Variants in PDE1C observed in about 807,000 individuals in gnomAD.
PDE1C encodes the protein dual specificity calcium/calmodulin-dependent 3',5'-cyclic nucleotide phosphodiesterase 1C.
In PDE1C, 62 loss-of-function variants were observed where a neutral mutation model predicts 93.1. The observed-to-expected ratio is 0.67, with a 90% CI of 0.54 to 0.82. PDE1C has a LOEUF of 0.82. Among genes scored for constraint, PDE1C ranks in the 40% least tolerant of loss-of-function variants. The pLI, the probability that PDE1C is intolerant of heterozygous loss-of-function variation, is 0.00. For missense variants in PDE1C, 742 were observed against 884.6 expected (o/e 0.84, Z 2.04); for synonymous variants, 325 against 310.1 (o/e 1.05, Z -0.50).
chr7:31,857,416 C>T (rs762938139), intron 7 of PDE1C, among the ~76,000 whole-genome samples: 6 of 152,080 alleles, frequency 3.9e-5, no homozygotes, highest in South Asian at 2.1e-4. Context: ...GTTGCTGGTT[C>T]GGATTTCTGG....
At chr7:31,652,230 T>C in the PDE1C span, among the ~76,000 whole-genome samples, 1 of 152,190 alleles carries the variant, frequency 6.6e-6, no homozygotes, top group East Asian at 1.9e-4. Flanking sequence ...CTGATGGTGA[T>C]TCTGTATCAG....
chr7:31,925,389 G>T (rs941638763), intron 2 of PDE1C, among the ~76,000 whole-genome samples: 2 of 152,100 alleles, frequency 1.3e-5, no homozygotes, highest in Admixed American at 1.3e-4. Flanking sequence ...CACTAGGGAA[G>T]ACAGTGGTTC....
chr7:32,357,620 T>C (rs891400493), intron 1 of PDE1C, among the ~76,000 whole-genome samples: 4 of 152,124 alleles, frequency 2.6e-5, no homozygotes, highest in Non-Finnish European at 5.9e-5. Context: ...AGGGGGAAAG[T>C]TGTGAAATCA....
intron 1 of PDE1C, among the ~76,000 whole-genome samples, chr7:32,349,593 T>C (rs1473646280): frequency 1.3e-5 from 2 of 152,228 alleles, no homozygotes; most frequent in African/African-American, 4.8e-5. Context: ...AGTAATGCAT[T>C]TGTCAGTTAG....
chr7:31,644,034 C>A, the PDE1C span: 3 of 1,349,482 alleles, frequency 2.2e-6, no homozygotes, highest in Non-Finnish European at 3.0e-6. Flanking sequence ...GACTTCCTTG[C>A]TGAATGCAAG....
chr7:31,886,280 C>T (rs1401728355), intron 2 of PDE1C, among the ~76,000 whole-genome samples: 2 of 152,190 alleles, frequency 1.3e-5, no homozygotes, highest in Non-Finnish European at 2.9e-5. Flanking sequence ...TACCTAAATG[C>T]CATAGGAAAT....
the PDE1C span, among the ~76,000 whole-genome samples, chr7:31,743,479 A>G: frequency 6.6e-6 from 1 of 152,088 alleles, no homozygotes; most frequent in African/African-American, 2.4e-5. Context: ...TTTCCACTTC[A>G]GAGGACGCTA....
intron 2 of PDE1C, among the ~76,000 whole-genome samples, chr7:31,978,129 A>G (rs1477245103): frequency 6.6e-6 from 1 of 152,122 alleles, no homozygotes; most frequent in Non-Finnish European, 1.5e-5. Flanking sequence ...ACCCCCACCC[A>G]CTACTACCTC....
chr7:32,199,132 T>TA (rs754814523), intron 2 of PDE1C, among the ~76,000 whole-genome samples: 40 of 135,834 alleles, frequency 2.9e-4, no homozygotes, highest in Admixed American at 7.8e-4. Flanking sequence ...AAATAAAAAT[T>TA]TAAAAAAAAA....
At chr7:32,227,151 G>A (rs1029506043) in intron 1 of PDE1C, among the ~76,000 whole-genome samples, 8 of 152,294 alleles carry the variant, frequency 5.3e-5, no homozygotes, top group South Asian at 2.1e-4. Context: ...CGGGAACCCT[G>A]AACTGCAACA....
intron 1 of PDE1C, among the ~76,000 whole-genome samples, chr7:32,062,517 C>G (rs1794932176): frequency 6.6e-6 from 1 of 152,158 alleles, no homozygotes; most frequent in South Asian, 2.1e-4. Context: ...ATACGCTTCC[C>G]TAACTCTACT....
chr7:31,847,887 C>T, intron 9 of PDE1C, 81 bp downstream of exon 9: 1 of 1,461,148 alleles, frequency 6.8e-7, no homozygotes, highest in South Asian at 1.1e-5. Flanking sequence ...GCAAGGTGTT[C>T]TTTTCTCAAA....
rs968512971 is a variant in PDE1C, at chr7:31,874,827, G to C, written c.493-1419C>G. ...CTAGGCACAGTGTGAGTGTTTACAC[G>C]CATTTGCAAAACCTCGCAAGTCTAG... On this transcript the variant is annotated intron_variant, in intron 5 of 17. Coordinates refer to ENST00000396191, the MANE Select transcript of PDE1C (RefSeq NM_001191057.4). 5.9e-5 allele frequency among the ~76,000 whole-genome samples: 9 copies of C among 152,196 alleles called. No individual in the cohort carries two copies. In the South Asian group the frequency reaches 1.9e-3, roughly 32 times the overall value.
intron 1 of PDE1C, among the ~76,000 whole-genome samples, chr7:32,411,368 G>A (rs550997423): frequency 6.6e-6 from 1 of 152,282 alleles, no homozygotes; most frequent in South Asian, 2.1e-4. Flanking sequence ...TGGGCTATAT[G>A]GTATCTTCTG....
intron 2 of PDE1C, among the ~76,000 whole-genome samples, chr7:32,016,989 C>T (rs892224812): frequency 6.6e-6 from 1 of 152,134 alleles, no homozygotes; most frequent in Non-Finnish European, 1.5e-5. Flanking sequence ...ACCTGTATGA[C>T]CTTTGCCAAG....
intron 1 of PDE1C, among the ~76,000 whole-genome samples, chr7:32,282,149 A>T (rs1214761635): frequency 4.3e-4 from 57 of 134,032 alleles, no homozygotes; most frequent in Admixed American, 4.3e-4. Flanking sequence ...CTAGAACTTA[A>T]AGTATAATAA....
chr7:32,183,701 G>C (rs1382210417), intron 2 of PDE1C, among the ~76,000 whole-genome samples: 1 of 152,174 alleles, frequency 6.6e-6, no homozygotes, highest in Non-Finnish European at 1.5e-5. Context: ...AAAAGCCCTA[G>C]AAGAAAACCT....
At chr7:32,025,452 A>G (rs1269786797) in intron 2 of PDE1C, among the ~76,000 whole-genome samples, 1 of 152,114 alleles carries the variant, frequency 6.6e-6, no homozygotes, top group East Asian at 1.9e-4. Flanking sequence ...TGGGGCTTGA[A>G]GACATTGCTA....
At chr7:31,652,501 T>A in the PDE1C span, 1 of 1,570,744 alleles carries the variant, frequency 6.4e-7, no homozygotes, top group Non-Finnish European at 8.6e-7. Flanking sequence ...CTCTTTTTCC[T>A]CTTGTTTTCC....
Sources: gnomAD v4.1 joint callset for allele counts (sites outside exome capture counted in the v4.1 genomes callset) on GRCh38, gnomAD v4.1.1 for gene constraint, MANE v1.5 for transcripts, NCBI Gene and HGNC (gene_info 2026-07-23, HGNC 2026-07-21) for gene names.